Variants in SIN3B observed in about 807,000 individuals in gnomAD.
SIN3B encodes the protein paired amphipathic helix protein Sin3b.
A neutral mutation model predicts 120.2 loss-of-function variants in SIN3B; 19 were observed. The ratio of observed to expected loss-of-function variants is 0.16; its 90% CI spans 0.11 to 0.23. The LOEUF (loss-of-function observed/expected upper bound fraction) is 0.23, where lower values mean the gene tolerates loss of function less well. Among genes scored for constraint, SIN3B ranks in the 10% least tolerant of loss-of-function variants. SIN3B has a pLI of 1.00. For missense variants in SIN3B, 1,073 were observed against 1,573.0 expected, an observed-to-expected ratio of 0.68 and a Z score of 5.38; for synonymous variants, 654 against 653.2, an observed-to-expected ratio of 1.00 and a Z score of -0.02.
In SIN3B at chr19:16,858,384, C is replaced by T. The variant is rs114393589; in HGVS notation, c.1059-3968C>T. ...TTTCTCACCTTTTATAAGAAGTGGC[C>T]CAGGATAGCTGCTTGATTACAGCCT... On this transcript the variant is annotated intron_variant, in intron 8 of 18. Coordinates refer to ENST00000248054, the MANE Select transcript of SIN3B (RefSeq NM_001297595.2). 2.1e-3 allele frequency among the ~76,000 whole-genome samples: 315 copies of T among 152,214 alleles called. 1 individual carries two copies. Among genetic ancestry groups the T allele is most frequent in the African/African-American group, 7.0e-3 (291 of 41,538 alleles).
chr19:16,871,188 C>T, intron 13 of SIN3B, 41 bp from the exon 14 acceptor site: 1 of 1,613,004 alleles, frequency 6.2e-7, no homozygotes, highest in Non-Finnish European at 8.5e-7. Context: ...TGACTTTGCG[C>T]TCTCCAGGAG....
intron 3 of SIN3B, among the ~76,000 whole-genome samples, chr19:16,838,854 A>T (rs1971380795): frequency 6.7e-6 from 1 of 148,770 alleles, no homozygotes; most frequent in Non-Finnish European, 1.5e-5. Flanking sequence ...TTGCATTTTT[A>T]GTAGAGATAG....
chr19:16,868,115 A>G (rs1236282512), intron 12 of SIN3B, among the ~76,000 whole-genome samples: 1 of 152,182 alleles, frequency 6.6e-6, no homozygotes, highest in Non-Finnish European at 1.5e-5. Context: ...GATCATGGAC[A>G]TGGGGACCCT....
chr19:16,857,553 G>GTGTGTGTGTGTGTGTGTATA (rs66778532), intron 8 of SIN3B, among the ~76,000 whole-genome samples: 5 of 139,546 alleles, frequency 3.6e-5, no homozygotes, highest in East Asian at 2.1e-4. Flanking sequence ...GTGTGTGTGT[G>GTGTGTGTGTGTGTGTGTATA]TATATATACA....
intron 16 of SIN3B, chr19:16,877,143 G>C (rs1473301311): frequency 1.7e-5 from 4 of 237,572 alleles, no homozygotes; most frequent in African/African-American, 9.1e-5. Flanking sequence ...CATTTCCTGG[G>C]GCTACCACCA....
At chr19:16,853,216 T>C (rs1223392159) in intron 7 of SIN3B, 58 bp downstream of exon 7, 1 of 1,505,132 alleles carries the variant, frequency 6.6e-7, no homozygotes, top group East Asian at 2.3e-5. Context: ...GCTGGGCCAA[T>C]GCTCCCTGGG....
chr19:16,829,405 A>C lies in SIN3B; in HGVS notation c.-16A>C, dbSNP rs1042294508. On this transcript the variant is annotated 5_prime_UTR_variant, in exon 1 of 19. Transcript: ENST00000248054. The stretch of plus-strand genomic sequence containing the variant: ...CTCGGGCGGGGGCGGGGCGGGGCGC[A>C]GCTCCGACTTCGGACATGGCGCACG... 7 of 1,198,780 alleles carry C rather than the reference A, an allele frequency of 5.8e-6. No individual in the cohort carries two copies. In the East Asian group the frequency reaches 1.7e-4, roughly 30 times the overall value. The allele number at this position is 1,198,780 out of a possible 1,614,324, so 74.3% of individuals were successfully genotyped here. A position where few individuals can be genotyped will look rare whatever the true frequency, so the allele number is the denominator to read the frequency against.
At chr19:16,860,484 A>C (rs1480618707) in intron 8 of SIN3B, among the ~76,000 whole-genome samples, 1 of 152,050 alleles carries the variant, frequency 6.6e-6, no homozygotes, top group Non-Finnish European at 1.5e-5. Flanking sequence ...AGGGTTCTTA[A>C]ATACGGGGAA....
chr19:16,854,097 C>G, intron 7 of SIN3B, 46 bp from the exon 8 acceptor site: 1 of 1,464,986 alleles, frequency 6.8e-7, no homozygotes, highest in Non-Finnish European at 9.5e-7. Flanking sequence ...GGCCCAGAGG[C>G]TGAGGAGCAG....
Position 16,876,613 on chromosome 19 carries a change from C to A in SIN3B, c.2859+35C>A. ...TGGCCCCAGTCTGTGCCACGCATAC[C>A]AGGGAGCGCCTGAGGGCAGCAGCAT... is the stretch of plus-strand genomic sequence containing the variant. On this transcript the variant is annotated intron_variant, in intron 16 of 18. Transcript: ENST00000248054. This position sits in a 1 kb window ranked among gnomAD's most constrained non-coding sequence, Gnocchi z 7.1. 1 of 1,549,684 alleles carries A rather than the reference C, an allele frequency of 6.5e-7. No homozygotes were observed. The highest frequency in any genetic ancestry group is 8.9e-7 in the Non-Finnish European group (1 of 1,126,050).
intron 6 of SIN3B, among the ~76,000 whole-genome samples, 178 bp downstream of exon 6, chr19:16,851,712 C>T (rs1263005123): frequency 5.3e-5 from 8 of 152,226 alleles, no homozygotes; most frequent in African/African-American, 2.4e-5. Flanking sequence ...GGTGGCTGTT[C>T]TTCCGTTCTC....
intron 4 of SIN3B, 25 bp downstream of exon 4, chr19:16,841,993 T>C (rs1231940114): frequency 6.3e-7 from 1 of 1,593,206 alleles, no homozygotes; most frequent in East Asian, 2.2e-5. Context: ...TACAATTCCT[T>C]GTGGGTTTTG....
At chr19:16,845,442 T>C (rs1222836747) in intron 4 of SIN3B, among the ~76,000 whole-genome samples, 1 of 151,948 alleles carries the variant, frequency 6.6e-6, no homozygotes, top group African/African-American at 2.4e-5. Flanking sequence ...CCGGGTAATT[T>C]TTGTATTTTT....
rs2051483151 is a variant in SIN3B at position 16,869,779 on chromosome 19, C to T, written c.2126C>T (p.Pro709Leu). 1 of 1,613,596 alleles carries T rather than the reference C, an allele frequency of 6.2e-7. No homozygotes were observed. The highest frequency in any genetic ancestry group is 8.5e-7 in the Non-Finnish European group (1 of 1,179,908). The change falls in exon 13 of 19, where the codon CCC (proline) becomes CTC (leucine). Residue 709 changes from proline to leucine, a missense_variant. By Grantham distance (98) the Pro-to-Leu change is moderately conservative (BLOSUM62 -3). Coordinates refer to ENST00000248054, the MANE Select transcript of SIN3B (RefSeq NM_001297595.2). ...KKPAPGPHSS[P>L]PEEKGAFGDA... is the part of the protein sequence containing the mutation. ...CCGGCGCCAGGACCCCACAGTAGCC[C>T]CCCAGAGGAGAAGGGGGCCTTCGGG... is the stretch of plus-strand genomic sequence containing the variant.
intron 12 of SIN3B, among the ~76,000 whole-genome samples, chr19:16,866,929 A>G (rs1454400757): frequency 6.6e-6 from 1 of 151,964 alleles, no homozygotes; most frequent in Non-Finnish European, 1.5e-5. Context: ...GCTAATTTTT[A>G]TATTTTTAGT....
intron 8 of SIN3B, among the ~76,000 whole-genome samples, chr19:16,857,298 G>T (rs1971628134): frequency 6.6e-6 from 1 of 152,132 alleles, no homozygotes; most frequent in African/African-American, 2.4e-5. Context: ...AGACGATTCT[G>T]ATGTTCTGTT....
intron 14 of SIN3B, among the ~76,000 whole-genome samples, chr19:16,875,336 G>GGTTTGGTCTGGTCTGGTCT (rs1159866418): frequency 2.8e-4 from 40 of 145,276 alleles, no homozygotes; most frequent in African/African-American, 1.0e-3. Flanking sequence ...GGTCTGGTCT[G>GGTTTGGTCTGGTCTGGTCT]GTTTGGTCTG....
intron 8 of SIN3B, among the ~76,000 whole-genome samples, chr19:16,858,270 C>G (rs538921138): frequency 7.9e-5 from 12 of 152,176 alleles, no homozygotes; most frequent in Non-Finnish European, 1.2e-4. Context: ...TGATGCCCCT[C>G]TGCCTATCCC....
At chr19:16,835,580 C>T (rs1971338146) in intron 3 of SIN3B, among the ~76,000 whole-genome samples, 1 of 150,374 alleles carries the variant, frequency 6.7e-6, no homozygotes, top group African/African-American at 2.5e-5. Context: ...AGTACAATGG[C>T]GTGATCTCAG....
Sources: gnomAD v4.1 joint callset for allele counts (sites outside exome capture counted in the v4.1 genomes callset) on GRCh38, gnomAD v4.1.1 for gene constraint, Gnocchi (gnomAD v3.1) non-coding constraint, MANE v1.5 for transcripts, NCBI Gene and HGNC (gene_info 2026-07-23, HGNC 2026-07-21) for gene names.